Variants in FHOD3 observed in about 807,000 individuals in gnomAD.
FHOD3 encodes formin homology 2 domain containing 3, also known as FH1/FH2 domain-containing protein 3.
In FHOD3, 90 loss-of-function variants were observed where a neutral mutation model predicts 173.0. The observed-to-expected ratio is 0.52, with a 90% CI of 0.44 to 0.62. FHOD3 has a LOEUF of 0.62. Ranked by LOEUF, FHOD3 falls within the 20% of genes least tolerant of loss-of-function variation. The pLI, the probability that FHOD3 is intolerant of heterozygous loss-of-function variation, is 0.00. For synonymous variants in FHOD3, 828 were observed against 823.0 expected (o/e 1.01, Z -0.10); for missense variants, 1,945 against 2,034.7 (o/e 0.96, Z 0.85).
chr18:36,568,644 C>T (rs528916938), intron 5 of FHOD3, among the ~76,000 whole-genome samples: 1 of 152,228 alleles, frequency 6.6e-6, no homozygotes, highest in East Asian at 1.9e-4. Flanking sequence ...GGCAAGGGCT[C>T]TGAAAACTGA....
chr18:36,469,848 C>T (rs1251868134), intron 3 of FHOD3, among the ~76,000 whole-genome samples: 3 of 152,124 alleles, frequency 2.0e-5, no homozygotes, highest in Admixed American at 6.5e-5. Context: ...GGGGGAAGCT[C>T]CAGTCCTCTG....
In FHOD3 at chr18:36,501,914, T is replaced by G. The variant is rs377564917; in HGVS notation, c.338-18T>G. 40 of 1,554,498 alleles carry G rather than the reference T, an allele frequency of 2.6e-5. No individual in the cohort carries two copies. Among genetic ancestry groups the G allele is most frequent in the Non-Finnish European group, 3.3e-5 (38 of 1,138,336 alleles). ...AGAGTCAGTTTAATTAATTTATATGTTTTATTCTTTATTTCAGAAAAACTA... is the reference window on the plus strand; with the variant it reads ...AGAGTCAGTTTAATTAATTTATATGGTTTATTCTTTATTTCAGAAAAACTA... On this transcript the variant is annotated intron_variant, in intron 3 of 28. Coordinates refer to ENST00000590592, the MANE Select transcript of FHOD3 (RefSeq NM_001281740.3).
chr18:36,371,467 A>G (rs556742730), intron 2 of FHOD3, among the ~76,000 whole-genome samples: 1 of 152,306 alleles, frequency 6.6e-6, no homozygotes, highest in South Asian at 2.1e-4. Context: ...TCAAACCATC[A>G]GATCTCATGA....
chr18:36,395,600 C>T lies in FHOD3; in HGVS notation c.337+22856C>T, dbSNP rs73949469. Among the ~76,000 whole-genome samples, 811 of 152,122 alleles carry T rather than the reference C, an allele frequency of 5.3e-3. 10 individuals are homozygous for T. Among genetic ancestry groups the T allele is most frequent in the African/African-American group, 0.018 (764 of 41,502 alleles). ...TTTATTTATTCCCCTCTTTCATTCT[C>T]ACATGAGTGCATGGAGTTTTCCAGA... is the stretch of plus-strand genomic sequence containing the variant. On this transcript the variant is annotated intron_variant, in intron 3 of 28. Transcript: ENST00000590592.
intron 5 of FHOD3, among the ~76,000 whole-genome samples, chr18:36,574,743 T>C (rs1454640119): frequency 6.6e-6 from 1 of 152,136 alleles, no homozygotes; most frequent in African/African-American, 2.4e-5. Context: ...TCTATAGCAG[T>C]GTTAAATAAT....
intron 8 of FHOD3, among the ~76,000 whole-genome samples, chr18:36,607,632 C>T (rs1421062781): frequency 6.6e-6 from 1 of 152,168 alleles, no homozygotes; most frequent in Non-Finnish European, 1.5e-5. Flanking sequence ...AATTTTTCTA[C>T]TCTACTTTCC....
intron 14 of FHOD3, among the ~76,000 whole-genome samples, chr18:36,663,625 CA>C (rs1208482874): frequency 6.6e-5 from 10 of 152,230 alleles, no homozygotes; most frequent in African/African-American, 2.4e-4. Context: ...TGGCTTCTCC[CA>C]GCTTAAGCTC....
chr18:36,679,986 T>G (rs1448363755), intron 14 of FHOD3, among the ~76,000 whole-genome samples: 1 of 152,196 alleles, frequency 6.6e-6, no homozygotes, highest in Non-Finnish European at 1.5e-5. Context: ...TTACTCTGAT[T>G]GTTGATTAGG....
chr18:36,661,949 C>G (rs2036839555), intron 14 of FHOD3, among the ~76,000 whole-genome samples: 1 of 152,166 alleles, frequency 6.6e-6, no homozygotes, highest in African/African-American at 2.4e-5. Flanking sequence ...ATACAAGATG[C>G]AACTGTTTAA....
chr18:36,681,919 A>G (rs1359965175), intron 15 of FHOD3, among the ~76,000 whole-genome samples: 1 of 152,136 alleles, frequency 6.6e-6, no homozygotes, highest in African/African-American at 2.4e-5. Flanking sequence ...TGTTTTATTC[A>G]TATTCTATCA....
chr18:36,700,636 A>G (rs2039529827), intron 17 of FHOD3, among the ~76,000 whole-genome samples: 1 of 151,970 alleles, frequency 6.6e-6, no homozygotes, highest in Non-Finnish European at 1.5e-5. Context: ...GATAGGTTTC[A>G]CTTCTTCCAG....
In FHOD3 at chr18:36,594,799, G is replaced by T. The variant is rs2030030802; in HGVS notation, c.619G>T (p.Val207Leu). 1 of 1,613,248 alleles carries T rather than the reference G, an allele frequency of 6.2e-7. No homozygotes were observed. Among genetic ancestry groups the T allele is most frequent in the Non-Finnish European group, 8.5e-7 (1 of 1,179,558 alleles). ...TLIGSKFRLV[V>L]KTALKLLLVF... ...TCTCTTCTGCCAGTTCCGCCTGGTG[G>T]TGAAGACAGCCCTGAAGCTGCTGCT... Residue 207 changes from valine (V) to leucine (L), a missense_variant, in exon 7 of 29, where the codon GTG becomes TTG. Val to Leu is a conservative substitution (Grantham distance 32). Transcript: ENST00000590592.
intron 5 of FHOD3, among the ~76,000 whole-genome samples, chr18:36,576,001 A>G: frequency 6.6e-6 from 1 of 152,258 alleles, no homozygotes; most frequent in East Asian, 1.9e-4. Flanking sequence ...TTAACCCAGG[A>G]TGATCCCACA....
chr18:36,592,428 G>A (rs1457296077), intron 6 of FHOD3, among the ~76,000 whole-genome samples: 1 of 152,216 alleles, frequency 6.6e-6, no homozygotes, highest in Non-Finnish European at 1.5e-5. Flanking sequence ...TGTGAAAAAC[G>A]CTCACACAAC....
chr18:36,429,136 G>A (rs1391394119), intron 3 of FHOD3, among the ~76,000 whole-genome samples: 3 of 152,192 alleles, frequency 2.0e-5, no homozygotes, highest in African/African-American at 7.2e-5. Context: ...TTCCCCAGAA[G>A]TCCCTGCCAC....
At chr18:36,365,639 A>T (rs1263001941) in intron 2 of FHOD3, among the ~76,000 whole-genome samples, 2 of 152,190 alleles carry the variant, frequency 1.3e-5, no homozygotes, top group African/African-American at 4.8e-5. Flanking sequence ...TAATCAGTGG[A>T]TTATATCCAT....
intron 10 of FHOD3, among the ~76,000 whole-genome samples, chr18:36,644,255 G>A (rs924067817): frequency 6.6e-6 from 1 of 152,180 alleles, no homozygotes; most frequent in Non-Finnish European, 1.5e-5. Flanking sequence ...GAATTCCTTA[G>A]CACAATATAA....
chr18:36,481,450 C>CTT (rs71168228), intron 3 of FHOD3, among the ~76,000 whole-genome samples: 2 of 146,018 alleles, frequency 1.4e-5, no homozygotes, highest in Non-Finnish European at 3.0e-5. Context: ...AGGCAGACAA[C>CTT]TTTTTTTTTT....
At chr18:36,729,334 C>T (rs1422097278) in intron 19 of FHOD3, among the ~76,000 whole-genome samples, 2 of 152,176 alleles carry the variant, frequency 1.3e-5, no homozygotes, top group Non-Finnish European at 2.9e-5. Context: ...CCCCAGGTGC[C>T]ACCTGCACCC....
Sources: gnomAD v4.1 joint callset for allele counts (sites outside exome capture counted in the v4.1 genomes callset) on GRCh38, gnomAD v4.1.1 for gene constraint, MANE v1.5 for transcripts, NCBI Gene and HGNC (gene_info 2026-07-23, HGNC 2026-07-21) for gene names.